The following NAA11 variants were observed in gnomAD, a reference collection of about 807,000 sequenced individuals.
The protein encoded by NAA11 is N-alpha-acetyltransferase 11.
A neutral mutation model predicts 16.1 loss-of-function variants in NAA11; 15 were observed. The observed-to-expected ratio is 0.93, with a 90% confidence interval of 0.62 to 1.44. NAA11 has a LOEUF of 1.44. NAA11 is among the 40% of genes most tolerant of loss of function. The probability of loss-of-function intolerance (pLI) is 0.00; values close to 1 mark genes in which losing one functional copy is unlikely to be tolerated. For missense variants in NAA11, 298 were observed against 291.3 expected, an observed-to-expected ratio of 1.02 and a Z score of -0.17; for synonymous variants, 122 against 112.4, an observed-to-expected ratio of 1.09 and a Z score of -0.54.
At chr4:79,305,700 C>T (rs1032770703) in intron 1 of NAA11, among the ~76,000 whole-genome samples, 1 of 152,098 alleles carries the variant, frequency 6.6e-6, no homozygotes, top group Non-Finnish European at 1.5e-5. Context: ...TATAAGGACA[C>T]TTAAAAGAAT....
intron 2 of NAA11, among the ~76,000 whole-genome samples, chr4:79,268,611 T>G (rs1408066587): frequency 6.6e-6 from 1 of 152,170 alleles, no homozygotes; most frequent in Non-Finnish European, 1.5e-5. Flanking sequence ...ATCTTTACTT[T>G]GAAGACTCTC....
At chr4:79,234,341 T>A (rs1721527670) in intron 2 of NAA11, among the ~76,000 whole-genome samples, 2 of 152,130 alleles carry the variant, frequency 1.3e-5, no homozygotes, top group African/African-American at 4.8e-5. Flanking sequence ...TCTCAAGAAG[T>A]TCAGTGGCTT....
intron 2 of NAA11, among the ~76,000 whole-genome samples, chr4:79,269,884 G>T (rs1029837571): frequency 1.3e-5 from 2 of 151,604 alleles, no homozygotes; most frequent in Non-Finnish European, 1.5e-5. Context: ...TTTGTATAAG[G>T]TGTAAGGAAG....
chr4:79,301,111 C>G (rs1723370274), intron 1 of NAA11, among the ~76,000 whole-genome samples: 1 of 152,190 alleles, frequency 6.6e-6, no homozygotes, highest in Non-Finnish European at 1.5e-5. Flanking sequence ...TGCAGATTAT[C>G]TTGGCACTCA....
chr4:79,223,147 A>G (rs1190401520), downstream of NAA11, among the ~76,000 whole-genome samples: 3 of 151,372 alleles, frequency 2.0e-5, no homozygotes, highest in Non-Finnish European at 2.9e-5. Flanking sequence ...TTTACTGGGT[A>G]TATACCCAAA....
intron 1 of NAA11, among the ~76,000 whole-genome samples, chr4:79,309,145 T>TC (rs1314668448): frequency 1.3e-5 from 2 of 152,210 alleles, no homozygotes; most frequent in Non-Finnish European, 2.9e-5. Context: ...ACCTTTTCTT[T>TC]CCCCCAGAGC....
At chr4:79,279,395 T>A (rs1722736586) in intron 2 of NAA11, among the ~76,000 whole-genome samples, 1 of 152,092 alleles carries the variant, frequency 6.6e-6, no homozygotes, top group East Asian at 1.9e-4. Flanking sequence ...ATATTGCAAG[T>A]CTGACCAGCT....
At position 79,287,537 on chromosome 4, in the gene NAA11, G is replaced by C. The variant is rs558919211; in HGVS notation, c.*122+6468C>G. ...TAATAAGTTTTAGCAAATTGAGGCT[G>C]AGGTCTCTTAGGTTAGCTTTATTAT... is the stretch of plus-strand genomic sequence containing the variant. On this transcript the variant is annotated intron_variant and NMD_transcript_variant, in intron 2 of 2. Coordinates refer to the NAA11 transcript ENST00000511542. Among the ~76,000 whole-genome samples the C allele has an allele frequency of 1.6e-3, 240 of 152,078 alleles. 1 individual carries two copies. The highest frequency in any genetic ancestry group is 5.6e-3 in the African/African-American group (233 of 41,486).
the NAA11 span, among the ~76,000 whole-genome samples, chr4:79,182,907 T>C: frequency 5.3e-5 from 8 of 152,168 alleles, no homozygotes; most frequent in Admixed American, 5.2e-4. Context: ...TTATTGAGCT[T>C]CTACTATGTC....
chr4:79,251,045 G>A (rs988512498), intron 2 of NAA11, among the ~76,000 whole-genome samples: 1 of 152,166 alleles, frequency 6.6e-6, no homozygotes, highest in Admixed American at 6.5e-5. Context: ...TAATGGCTCA[G>A]CCATTGTAGA....
intron 2 of NAA11, among the ~76,000 whole-genome samples, chr4:79,248,040 C>G (rs997987410): frequency 5.9e-5 from 9 of 152,178 alleles, no homozygotes; most frequent in Non-Finnish European, 1.3e-4. Flanking sequence ...TGGACCTGAA[C>G]AGAGCAGGGC....
At chr4:79,188,201 C>T in the NAA11 span, among the ~76,000 whole-genome samples, 3 of 152,004 alleles carry the variant, frequency 2.0e-5, no homozygotes, top group Non-Finnish European at 2.9e-5. Flanking sequence ...ACAAAGTTGT[C>T]ACTGAAACAG....
downstream of NAA11, among the ~76,000 whole-genome samples, chr4:79,221,193 A>G (rs547360026): frequency 4.7e-4 from 71 of 151,820 alleles, no homozygotes; most frequent in African/African-American, 1.7e-3. Flanking sequence ...GTTAGTGTAT[A>G]AGAATGCTTG....
chr4:79,229,191 CTTTTATA>C (rs1159216850), intron 2 of NAA11, among the ~76,000 whole-genome samples: 3 of 151,790 alleles, frequency 2.0e-5, no homozygotes, highest in African/African-American at 7.3e-5. Flanking sequence ...AAATTCTATA[CTTTTATA>C]TTTTACATTT....
chr4:79,256,652 A>AATATATATATATATATT (rs1491290215), intron 2 of NAA11, among the ~76,000 whole-genome samples: 2 of 27,432 alleles, frequency 7.3e-5, no homozygotes, highest in Non-Finnish European at 1.0e-4. Flanking sequence ...ATAAATATAA[A>AATATATATATATATATT]TATATATATA....
At chr4:79,261,890 T>A (rs1722250047) in intron 2 of NAA11, among the ~76,000 whole-genome samples, 1 of 152,162 alleles carries the variant, frequency 6.6e-6, no homozygotes, top group African/African-American at 2.4e-5. Context: ...TGTTAGCACA[T>A]AAAAATAGCT....
chr4:79,196,651 C>T, the NAA11 span, among the ~76,000 whole-genome samples: 1 of 151,896 alleles, frequency 6.6e-6, no homozygotes, highest in Non-Finnish European at 1.5e-5. Context: ...TGCTCCCCTC[C>T]CCTCTTCAGA....
chr4:79,243,870 TC>T (rs1258977755), intron 2 of NAA11, among the ~76,000 whole-genome samples: 1 of 152,222 alleles, frequency 6.6e-6, no homozygotes, highest in African/African-American at 2.4e-5. Context: ...TTAACCTCGA[TC>T]CTGGGACTTT....
At chr4:79,157,888 A>C in the NAA11 span, among the ~76,000 whole-genome samples, 8 of 148,178 alleles carry the variant, frequency 5.4e-5, no homozygotes, top group South Asian at 1.7e-3. Flanking sequence ...ACTGTTGCTG[A>C]TTGCTGATGA....
Sources: allele counts gnomAD v4.1 joint callset (sites outside exome capture counted in the v4.1 genomes callset), GRCh38; gene constraint gnomAD v4.1.1; transcripts MANE v1.5; gene names NCBI Gene and HGNC (gene_info 2026-07-23, HGNC 2026-07-21).